PAX5: variants seen among roughly 807,000 people sequenced by gnomAD.
PAX5 encodes paired box 5.
A neutral mutation model predicts 43.7 loss-of-function variants in PAX5; 9 were observed. That is an observed-to-expected ratio of 0.21 (90% CI 0.12 to 0.36). The LOEUF (loss-of-function observed/expected upper bound fraction) is 0.36. PAX5 is among the 10% of genes least tolerant of loss of function. The probability of loss-of-function intolerance (pLI) is 1.00; values close to 1 mark genes in which losing one functional copy is unlikely to be tolerated. For synonymous variants in PAX5, 228 were observed against 214.3 expected, an observed-to-expected ratio of 1.06 and a Z score of -0.56; for missense variants, 383 against 532.7, an observed-to-expected ratio of 0.72 and a Z score of 2.77.
rs549245497 is a variant in PAX5 at position 36,833,732 on chromosome 9, A to G, written c.*6828T>C. On this transcript the variant is annotated 3_prime_UTR_variant, in exon 10 of 10. Coordinates refer to ENST00000358127, the MANE Select transcript of PAX5 (RefSeq NM_016734.3). ...CAATATTTCAAGTCAGTTATTTTCT[A>G]CTAGAAAAAAAGAATACAAAACATA... is the stretch of plus-strand genomic sequence containing the variant. The G allele has an allele frequency of 4.3e-6, 1 of 233,202 alleles. No homozygotes were observed. The highest frequency in any genetic ancestry group is 1.8e-4 in the South Asian group (1 of 5,524). The allele number at this position is 233,202 out of a possible 1,614,324, so 14.4% of individuals were successfully genotyped here.
chr9:36,893,966 A>G (rs2131827017), intron 7 of PAX5, among the ~76,000 whole-genome samples: 1 of 152,294 alleles, frequency 6.6e-6, no homozygotes, highest in East Asian at 1.9e-4. Flanking sequence ...ATGTGGAGAG[A>G]GCCCAACTGT....
intron 5 of PAX5, among the ~76,000 whole-genome samples, chr9:36,989,914 G>A: frequency 6.6e-6 from 1 of 152,212 alleles, no homozygotes; most frequent in African/African-American, 2.4e-5. Flanking sequence ...CACAGTTCCT[G>A]CCTTCATGGA....
chr9:37,003,163 A>AC (rs1564065681), intron 4 of PAX5, among the ~76,000 whole-genome samples: 4 of 149,558 alleles, frequency 2.7e-5, no homozygotes, highest in Non-Finnish European at 3.0e-5. Flanking sequence ...TTAAAAAAAA[A>AC]AAAAAAAAAA....
chr9:36,847,805 C>T (rs1587739859), intron 8 of PAX5, among the ~76,000 whole-genome samples: 1 of 152,204 alleles, frequency 6.6e-6, no homozygotes, highest in Non-Finnish European at 1.5e-5. Flanking sequence ...AGGAGAGCCT[C>T]TTTACTACTG....
chr9:36,958,471 G>A (rs1056827675), intron 6 of PAX5, among the ~76,000 whole-genome samples: 1 of 151,992 alleles, frequency 6.6e-6, no homozygotes. Flanking sequence ...AGGGTTGGTG[G>A]GGGGAAGTGT....
rs916903518 is a variant in PAX5 at position 36,833,680 on chromosome 9, A to G, written c.*6880T>C. On this transcript the variant is annotated 3_prime_UTR_variant, in exon 10 of 10. Transcript: ENST00000358127. Reference sequence around the variant, plus strand: ...TTCAAATATTATTACACACAAAAGCAACACACGTCACTAAGAAAAAAACCA... The same window carrying G: ...TTCAAATATTATTACACACAAAAGCGACACACGTCACTAAGAAAAAAACCA... 8.6e-6 allele frequency: 2 copies of G among 232,952 alleles called. No homozygotes were observed. The highest frequency in any genetic ancestry group is 6.0e-5 in the East Asian group (1 of 16,586). 14.4% of individuals were successfully genotyped at this position (232,952 alleles called of 1,614,324 possible).
intron 5 of PAX5, among the ~76,000 whole-genome samples, chr9:36,995,559 G>C (rs117617931): frequency 6.6e-6 from 1 of 152,206 alleles, no homozygotes; most frequent in South Asian, 2.1e-4. Flanking sequence ...TGTGAGAATG[G>C]AGGAAAGGAG....
chr9:36,860,034 CA>C (rs36070204), intron 8 of PAX5, among the ~76,000 whole-genome samples: 179 of 129,744 alleles, frequency 1.4e-3, no homozygotes, highest in Admixed American at 1.3e-3. Context: ...GGCTCTGTCT[CA>C]AAAAAAAAAA....
At chr9:36,998,611 TG>T (rs1172978716) in intron 5 of PAX5, among the ~76,000 whole-genome samples, 2 of 152,250 alleles carry the variant, frequency 1.3e-5, no homozygotes, top group African/African-American at 4.8e-5. Context: ...ACTTGAAATG[TG>T]GCCAGTACAA....
rs1396565102 is a variant in PAX5 at position 37,015,396 on chromosome 9, A to T, written c.213-202T>A. 1.3e-5 allele frequency among the ~76,000 whole-genome samples: 2 copies of T among 152,234 alleles called. No homozygotes were observed. The highest frequency in any genetic ancestry group is 1.9e-4 in the East Asian group (1 of 5,208). On this transcript the variant is annotated intron_variant, in intron 2 of 9. Transcript: ENST00000358127. The surrounding 1 kb of genome is among the most constrained non-coding windows in gnomAD (Gnocchi z 4.4). ...GCTGTAAATATAAAATACACACCAA[A>T]TTTTTAAAACTTAGTACCAAAAGAA...
chr9:36,859,321 G>A (rs902253526), intron 8 of PAX5, among the ~76,000 whole-genome samples: 5 of 152,138 alleles, frequency 3.3e-5, no homozygotes, highest in Non-Finnish European at 7.3e-5. Flanking sequence ...TATGAAAGCC[G>A]GGCCGGGCTG....
At chr9:37,002,976 T>C in intron 4 of PAX5, 200 bp from the exon 5 acceptor site, 1 of 578,094 alleles carries the variant, frequency 1.7e-6, no homozygotes, top group Non-Finnish European at 3.0e-6. Context: ...CCCAGTTCTC[T>C]GCGATGGGGG....
chr9:36,862,676 G>A (rs906361350), intron 8 of PAX5, among the ~76,000 whole-genome samples: 3 of 152,200 alleles, frequency 2.0e-5, no homozygotes, highest in Admixed American at 6.5e-5. Flanking sequence ...GCGGCTTTGG[G>A]TTCAGCCCTG....
At chr9:36,852,617 G>A (rs1035280913) in intron 8 of PAX5, among the ~76,000 whole-genome samples, 4 of 152,204 alleles carry the variant, frequency 2.6e-5, no homozygotes, top group Non-Finnish European at 5.9e-5. Flanking sequence ...CCCGGGCTGG[G>A]GCAGAAGGAA....
At chr9:36,967,708 GGGAGGTA>G (rs1834564405) in intron 5 of PAX5, among the ~76,000 whole-genome samples, 1 of 152,218 alleles carries the variant, frequency 6.6e-6, no homozygotes, top group African/African-American at 2.4e-5. Flanking sequence ...TGCTCATTCA[GGGAGGTA>G]GGAAGTGAGT....
intron 8 of PAX5, among the ~76,000 whole-genome samples, chr9:36,864,590 T>G (rs1824634552): frequency 6.6e-6 from 1 of 152,202 alleles, no homozygotes. Flanking sequence ...CACCCTCACC[T>G]GCCCCCATCG....
chr9:36,878,763 A>G lies in PAX5; in HGVS notation c.1012+3241T>C, dbSNP rs140149815. Among the ~76,000 whole-genome samples, 387 of 152,332 alleles carry G rather than the reference A, an allele frequency of 2.5e-3. 1 individual carries two copies. Among genetic ancestry groups the G allele is most frequent in the African/African-American group, 8.9e-3 (368 of 41,580 alleles). On this transcript the variant is annotated intron_variant, in intron 8 of 9. Coordinates refer to ENST00000358127, the MANE Select transcript of PAX5 (RefSeq NM_016734.3). Reference sequence around the variant, plus strand: ...AACAATGTCCACAGGCCACCCAAGAAACAGATTTGGAAATTTTGTTGGAAA... The same window carrying G: ...AACAATGTCCACAGGCCACCCAAGAGACAGATTTGGAAATTTTGTTGGAAA...
chr9:36,987,941 G>A lies in PAX5; in HGVS notation c.604+14707C>T, dbSNP rs367547233. On this transcript the variant is annotated intron_variant, in intron 5 of 9. Transcript: ENST00000358127. ...CTGACCAATCGTCCTTTTCAGAAAAGAGATGTTCACGGAACAAAAGTACTA... is the reference window on the plus strand; with the variant it reads ...CTGACCAATCGTCCTTTTCAGAAAAAAGATGTTCACGGAACAAAAGTACTA... 1.6e-3 allele frequency among the ~76,000 whole-genome samples: 239 copies of A among 152,334 alleles called. 2 individuals are homozygous for A. Among genetic ancestry groups the A allele is most frequent in the South Asian group, 6.6e-3 (32 of 4,820 alleles).
At chr9:37,002,995 G>C (rs74917397) in intron 4 of PAX5, among the ~76,000 whole-genome samples, 1 of 152,082 alleles carries the variant, frequency 6.6e-6, no homozygotes, top group Non-Finnish European at 1.5e-5. Context: ...GGGAGAAAGG[G>C]AAGGGTGGGC....
Sources: gnomAD v4.1 joint callset for allele counts (sites outside exome capture counted in the v4.1 genomes callset) on GRCh38, gnomAD v4.1.1 for gene constraint, Gnocchi (gnomAD v3.1) non-coding constraint, MANE v1.5 for transcripts, NCBI Gene and HGNC (gene_info 2026-07-23, HGNC 2026-07-21) for gene names.